AKAIN1: variants seen among roughly 807,000 people sequenced by gnomAD.
AKAIN1 encodes A-kinase anchor inhibitor 1.
In AKAIN1, 3 loss-of-function variants were observed where a neutral mutation model predicts 3.7. That is an observed-to-expected ratio of 0.82 (90% CI 0.37 to 2.12). AKAIN1 has a LOEUF of 2.12. Among genes scored for constraint, AKAIN1 ranks in the 30% most tolerant of loss-of-function variants. AKAIN1 has a pLI of 0.06. For synonymous variants in AKAIN1, 31 were observed against 30.8 expected (o/e 1.01, Z -0.02); for missense variants, 82 against 82.7 (o/e 0.99, Z 0.03).
chr18:5,148,279 T>C (rs892200747), intron 1 of AKAIN1, among the ~76,000 whole-genome samples: 8 of 152,216 alleles, frequency 5.3e-5, no homozygotes, highest in African/African-American at 1.9e-4. Context: ...GCATGGGTTA[T>C]CTAAGGACTC....
chr18:5,175,262 T>C (rs951761301), intron 1 of AKAIN1, among the ~76,000 whole-genome samples: 3 of 152,114 alleles, frequency 2.0e-5, no homozygotes, highest in Non-Finnish European at 2.9e-5. Context: ...TGGCTCATGA[T>C]GCATGTGAGT....
chr18:5,184,209 G>T (rs986756957), intron 1 of AKAIN1, among the ~76,000 whole-genome samples: 1 of 151,938 alleles, frequency 6.6e-6, no homozygotes, highest in Non-Finnish European at 1.5e-5. Flanking sequence ...TGATTTGAGG[G>T]TTACAAATAA....
At chr18:5,197,411 G>A, upstream of AKAIN1, 1 of 1,262,898 alleles carries the variant, frequency 7.9e-7, no homozygotes, top group Non-Finnish European at 9.9e-7. This position sits in a 1 kb window ranked among gnomAD's most constrained non-coding sequence, Gnocchi z 6.9. Context: ...AGAGAGAAAG[G>A]TAAACTTCCC....
intron 1 of AKAIN1, among the ~76,000 whole-genome samples, chr18:5,183,242 A>G (rs1453673744): frequency 6.6e-6 from 1 of 152,084 alleles, no homozygotes; most frequent in Non-Finnish European, 1.5e-5. Flanking sequence ...TGAGTAAACA[A>G]TCACATCAAA....
intron 1 of AKAIN1, among the ~76,000 whole-genome samples, chr18:5,164,874 C>A (rs2071159048): frequency 6.6e-6 from 1 of 151,970 alleles, no homozygotes; most frequent in Non-Finnish European, 1.5e-5. Flanking sequence ...GGAAAATTGT[C>A]ACATCACTGG....
upstream of AKAIN1, chr18:5,197,419 C>T (rs577501424): frequency 4.0e-5 from 51 of 1,262,590 alleles, no homozygotes; most frequent in African/African-American, 7.3e-4. The surrounding 1 kb of genome is among the most constrained non-coding windows in gnomAD (Gnocchi z 6.9). Context: ...AGGTAAACTT[C>T]CCGGCAGGGG....
chr18:5,153,777 C>T (rs145820032), intron 1 of AKAIN1, among the ~76,000 whole-genome samples: 1 of 152,204 alleles, frequency 6.6e-6, no homozygotes, highest in East Asian at 1.9e-4. Flanking sequence ...ATGTACAACA[C>T]CAAGAGTAAA....
intron 1 of AKAIN1, among the ~76,000 whole-genome samples, chr18:5,184,399 A>G (rs2071275748): frequency 6.6e-6 from 1 of 152,096 alleles, no homozygotes; most frequent in Non-Finnish European, 1.5e-5. Flanking sequence ...AGTAAGTCAA[A>G]CTCTGTCTGT....
chr18:5,154,151 G>T (rs1282987225), intron 1 of AKAIN1, among the ~76,000 whole-genome samples: 2 of 152,128 alleles, frequency 1.3e-5, no homozygotes, highest in Non-Finnish European at 1.5e-5. Context: ...AGTGGACAAA[G>T]ATTTCTTAAA....
intron 1 of AKAIN1, among the ~76,000 whole-genome samples, chr18:5,147,399 T>C (rs1481291747): frequency 1.3e-5 from 2 of 152,222 alleles, no homozygotes; most frequent in African/African-American, 4.8e-5. Flanking sequence ...GAATCTACCA[T>C]TTGGTTGAAG....
At chr18:5,167,856 G>A (rs749896495) in intron 1 of AKAIN1, among the ~76,000 whole-genome samples, 6 of 152,036 alleles carry the variant, frequency 3.9e-5, no homozygotes, top group Non-Finnish European at 5.9e-5. Flanking sequence ...TGCTGCAATA[G>A]CTAATGTTTC....
chr18:5,176,601 T>C (rs551911006), intron 1 of AKAIN1, among the ~76,000 whole-genome samples: 2 of 152,306 alleles, frequency 1.3e-5, no homozygotes, highest in South Asian at 2.1e-4. Context: ...TCCTGAATGT[T>C]TGGTGCCTCC....
chr18:5,168,780 TG>T (rs1219611909), intron 1 of AKAIN1, among the ~76,000 whole-genome samples: 1 of 150,648 alleles, frequency 6.6e-6, no homozygotes, highest in Non-Finnish European at 1.5e-5. Context: ...TACCCAACAG[TG>T]GTCATAATAT....
chr18:5,147,562 G>A (rs1047291197), intron 1 of AKAIN1, among the ~76,000 whole-genome samples: 4 of 152,134 alleles, frequency 2.6e-5, no homozygotes, highest in Admixed American at 6.5e-5. Context: ...GAGGGATGAC[G>A]TTCACTGGGG....
intron 1 of AKAIN1, chr18:5,170,973 A>G (rs2071194513): frequency 6.6e-6 from 1 of 152,116 alleles, no homozygotes; most frequent in Admixed American, 6.6e-5. Context: ...AAGCCTCTAG[A>G]TGACTCCAGA....
rs149362131 is a variant in AKAIN1 at position 5,162,281 on chromosome 18, C to T, written c.17-16526G>A. 1.5e-3 allele frequency among the ~76,000 whole-genome samples: 233 copies of T among 152,164 alleles called. 1 individual carries two copies. Among genetic ancestry groups the T allele is most frequent in the African/African-American group, 5.4e-3 (226 of 41,530 alleles). ...TGGTCCCCTAGGTAAGGATTCTGAG[C>T]AAGCTAGAAATCCTGCTGCTCTGAC... is the stretch of plus-strand genomic sequence containing the variant. On this transcript the variant is annotated intron_variant, in intron 1 of 1. Coordinates refer to ENST00000434239, the MANE Select transcript of AKAIN1 (RefSeq NM_001145194.2).
chr18:5,192,459 TG>T (rs1431178992), intron 1 of AKAIN1, among the ~76,000 whole-genome samples: 2 of 134,300 alleles, frequency 1.5e-5, no homozygotes, highest in African/African-American at 5.4e-5. Flanking sequence ...TTCTTTTCTT[TG>T]GTAGAGACAA....
At chr18:5,178,172 C>T (rs436423) in intron 1 of AKAIN1, among the ~76,000 whole-genome samples, 4,806 of 152,148 alleles carry the variant, frequency 0.032, 209 homozygotes, top group African/African-American at 0.1. Context: ...ACTCATCTGC[C>T]TAAGGACAGA....
At chr18:5,178,579 A>T (rs1458759530) in intron 1 of AKAIN1, among the ~76,000 whole-genome samples, 1 of 152,168 alleles carries the variant, frequency 6.6e-6, no homozygotes, top group African/African-American at 2.4e-5. Flanking sequence ...TCATTTGTTC[A>T]TTCATTTATA....
Sources: allele counts gnomAD v4.1 joint callset (sites outside exome capture counted in the v4.1 genomes callset), GRCh38; gene constraint gnomAD v4.1.1; non-coding constraint Gnocchi (gnomAD v3.1); transcripts MANE v1.5; gene names NCBI Gene and HGNC (gene_info 2026-07-23, HGNC 2026-07-21).